INPP4B: variants seen among roughly 807,000 people sequenced by gnomAD.
The protein encoded by INPP4B is inositol polyphosphate-4-phosphatase type II B.
In INPP4B, 55 loss-of-function variants were observed where a neutral mutation model predicts 122.5. That is an observed-to-expected ratio of 0.45 (90% CI 0.36 to 0.56). INPP4B has a LOEUF of 0.56. Ranked by LOEUF, INPP4B falls within the 20% of genes least tolerant of loss-of-function variation. The pLI, the probability that INPP4B is intolerant of heterozygous loss-of-function variation, is 0.00. For synonymous variants in INPP4B, 403 were observed against 388.7 expected, an observed-to-expected ratio of 1.04 and a Z score of -0.43; for missense variants, 1,000 against 1,097.7, an observed-to-expected ratio of 0.91 and a Z score of 1.26.
intron 9 of INPP4B, among the ~76,000 whole-genome samples, chr4:142,300,293 C>T (rs1760849601): frequency 6.6e-6 from 1 of 152,116 alleles, no homozygotes; most frequent in Admixed American, 6.6e-5. Flanking sequence ...GTATAGAAGA[C>T]GATGGAGCCT....
intron 2 of INPP4B, among the ~76,000 whole-genome samples, chr4:142,522,101 G>A (rs562935510): frequency 6.6e-6 from 1 of 151,962 alleles, no homozygotes; most frequent in Non-Finnish European, 1.5e-5. Flanking sequence ...GTAAAACAAT[G>A]ACAATATTGC....
chr4:142,144,304 A>G (rs1809496451), intron 18 of INPP4B, among the ~76,000 whole-genome samples: 1 of 151,618 alleles, frequency 6.6e-6, no homozygotes, highest in Non-Finnish European at 1.5e-5. Context: ...TATTGTCTTC[A>G]GTGAGAAGTT....
intron 2 of INPP4B, among the ~76,000 whole-genome samples, chr4:142,607,577 C>T (rs1741534522): frequency 2.0e-5 from 3 of 151,810 alleles, no homozygotes; most frequent in Admixed American, 6.6e-5. Context: ...CCAGCTGATC[C>T]AAAATAAAAA....
intron 23 of INPP4B, among the ~76,000 whole-genome samples, chr4:142,097,219 A>C (rs1489536238): frequency 6.7e-5 from 1 of 14,874 alleles, no homozygotes; most frequent in Non-Finnish European, 1.2e-3. Context: ...TGTTTATTTT[A>C]TGTTATTTTT....
intron 1 of INPP4B, among the ~76,000 whole-genome samples, chr4:142,763,466 A>G (rs1771638318): frequency 6.6e-6 from 1 of 152,194 alleles, no homozygotes; most frequent in Non-Finnish European, 1.5e-5. Context: ...ACAACAGAAC[A>G]TTGTGAAGAA....
intron 7 of INPP4B, among the ~76,000 whole-genome samples, chr4:142,386,440 T>C (rs1028675649): frequency 1.1e-3 from 165 of 152,318 alleles, no homozygotes; most frequent in African/African-American, 3.8e-3. Context: ...AAGGACTCCA[T>C]GCTTCTATAT....
At chr4:142,815,249 A>T (rs1375993021) in intron 1 of INPP4B, among the ~76,000 whole-genome samples, 1 of 152,172 alleles carries the variant, frequency 6.6e-6, no homozygotes, top group Non-Finnish European at 1.5e-5. Flanking sequence ...CTCAGGAGGC[A>T]TAACAACTAA....
intron 2 of INPP4B, among the ~76,000 whole-genome samples, chr4:142,526,883 G>T (rs1311930869): frequency 6.6e-6 from 1 of 151,910 alleles, no homozygotes; most frequent in Non-Finnish European, 1.5e-5. Context: ...CGTGTTTAAC[G>T]ATATAGACAA....
intron 1 of INPP4B, among the ~76,000 whole-genome samples, chr4:142,831,710 A>G (rs563291583): frequency 6.6e-6 from 1 of 152,304 alleles, no homozygotes; most frequent in South Asian, 2.1e-4. Context: ...TAATCTGCAA[A>G]CAAACTTCAC....
chr4:142,208,139 G>A (rs1994216), intron 14 of INPP4B, among the ~76,000 whole-genome samples: 96,788 of 151,900 alleles, frequency 0.64, 31,443 homozygotes, highest in Non-Finnish European at 0.7. Context: ...GAGCTTAAAT[G>A]TTAACTATTA....
rs1159195300 is a variant in INPP4B, at chr4:142,462,667, T to C, written c.-131A>G. 2.6e-5 allele frequency: 4 copies of C among 152,206 alleles called. No homozygotes were observed. The highest frequency in any genetic ancestry group is 5.9e-5 in the Non-Finnish European group (4 of 68,026). The allele number at this position is 152,206 out of a possible 1,614,324, so 9.4% of individuals were successfully genotyped here. Reference sequence around the variant, plus strand: ...TGTTGAGAATAACTCTTGTACCTGATTTATGTTGTTTTCTTTGACAGAACT... The same window carrying C: ...TGTTGAGAATAACTCTTGTACCTGACTTATGTTGTTTTCTTTGACAGAACT... On this transcript the variant is annotated 5_prime_UTR_variant, in exon 3 of 26. Coordinates refer to ENST00000262992, the MANE Select transcript of INPP4B (RefSeq NM_001101669.3).
In INPP4B at chr4:142,114,943, A is replaced by C. The variant is rs553126081; in HGVS notation, c.2136-2261T>G. Among the ~76,000 whole-genome samples, 3 of 152,234 alleles carry C rather than the reference A, an allele frequency of 2.0e-5. No homozygotes were observed. The East Asian group carries it at 5.8e-4, about 30-fold the overall frequency. Reference sequence around the variant, plus strand: ...GATTAGACAAATGGTTAACTAGAATAAACAGTATAGAGAAGACCTTAAATG... The same window carrying C: ...GATTAGACAAATGGTTAACTAGAATCAACAGTATAGAGAAGACCTTAAATG... On this transcript the variant is annotated intron_variant, in intron 21 of 25. Transcript: ENST00000262992.
At chr4:142,637,389 T>A (rs1749400443) in intron 2 of INPP4B, among the ~76,000 whole-genome samples, 1 of 152,182 alleles carries the variant, frequency 6.6e-6, no homozygotes, top group South Asian at 2.1e-4. Flanking sequence ...AATCACTCAT[T>A]TTTTATTATC....
intron 7 of INPP4B, among the ~76,000 whole-genome samples, chr4:142,396,664 AG>A (rs1656004608): frequency 1.3e-5 from 2 of 152,204 alleles, no homozygotes; most frequent in African/African-American, 4.8e-5. Flanking sequence ...ATATGTTCAT[AG>A]ATGTTTTATT....
chr4:142,322,404 G>A (rs1478725045), intron 7 of INPP4B, among the ~76,000 whole-genome samples: 4 of 152,066 alleles, frequency 2.6e-5, no homozygotes, highest in Non-Finnish European at 1.5e-5. Context: ...GTATCATAAC[G>A]GTAGTGTTAC....
intron 2 of INPP4B, among the ~76,000 whole-genome samples, chr4:142,700,277 A>G (rs1761559368): frequency 6.6e-6 from 1 of 152,224 alleles, no homozygotes. Flanking sequence ...GGGTAATAAT[A>G]AACTTTTTAT....
intron 6 of INPP4B, among the ~76,000 whole-genome samples, chr4:142,404,900 T>A (rs566749134): frequency 6.6e-6 from 1 of 151,686 alleles, no homozygotes; most frequent in Non-Finnish European, 1.5e-5. Context: ...AGTGGGAACT[T>A]TTTTTTCTAT....
chr4:142,540,012 C>T (rs972494852), intron 2 of INPP4B, among the ~76,000 whole-genome samples: 6 of 151,988 alleles, frequency 3.9e-5, no homozygotes. Context: ...CTTTTTCTGT[C>T]CTTTTTAACT....
intron 1 of INPP4B, among the ~76,000 whole-genome samples, chr4:142,760,157 C>T (rs1771114036): frequency 6.6e-6 from 1 of 152,084 alleles, no homozygotes. Flanking sequence ...TCACAAATAT[C>T]CAGAAACCTA....
Sources: allele counts gnomAD v4.1 joint callset (sites outside exome capture counted in the v4.1 genomes callset), GRCh38; gene constraint gnomAD v4.1.1; transcripts MANE v1.5; gene names NCBI Gene and HGNC (gene_info 2026-07-23, HGNC 2026-07-21).